The following IGFL2 variants were observed in gnomAD, a reference collection of about 807,000 sequenced individuals.
IGFL2 encodes the protein IGF like family member 2.
Under a neutral mutation model 13.9 loss-of-function variants are expected in IGFL2, and 7 were observed. The observed-to-expected ratio is 0.51, with a 90% confidence interval of 0.29 to 0.95. The LOEUF is 0.95. Ranked by LOEUF, IGFL2 falls within the 40% of genes least tolerant of loss-of-function variation. The pLI, the probability that IGFL2 is intolerant of heterozygous loss-of-function variation, is 0.08. For synonymous variants in IGFL2, 55 were observed against 55.8 expected (o/e 0.99, Z 0.07); for missense variants, 138 against 147.8 (o/e 0.93, Z 0.34).
At chr19:46,146,457 A>G (rs796667699), upstream of IGFL2, among the ~76,000 whole-genome samples, 1 of 152,138 alleles carries the variant, frequency 6.6e-6, no homozygotes, top group East Asian at 1.9e-4. Flanking sequence ...GCTTTTCTAT[A>G]TAAATTCTAG....
At chr19:46,199,807 G>T in the IGFL2 span, among the ~76,000 whole-genome samples, 5 of 152,234 alleles carry the variant, frequency 3.3e-5, no homozygotes, top group Non-Finnish European at 5.9e-5. Flanking sequence ...AGATGTGTTG[G>T]GACATCTAAG....
At chr19:46,125,288 T>C in the IGFL2 span, among the ~76,000 whole-genome samples, 1 of 152,188 alleles carries the variant, frequency 6.6e-6, no homozygotes, top group African/African-American at 2.4e-5. Flanking sequence ...GTGTGAGGAT[T>C]CAGAGACCTC....
At chr19:46,195,477 G>A in the IGFL2 span, among the ~76,000 whole-genome samples, 1 of 152,170 alleles carries the variant, frequency 6.6e-6, no homozygotes, top group African/African-American at 2.4e-5. Flanking sequence ...GCAACTTGCT[G>A]TAATGATGTG....
At chr19:46,176,671 G>A in the IGFL2 span, among the ~76,000 whole-genome samples, 4 of 152,148 alleles carry the variant, frequency 2.6e-5, no homozygotes, top group Non-Finnish European at 5.9e-5. Flanking sequence ...ACACATGTGG[G>A]TGCTGCTCCT....
At chr19:46,201,505 G>A in the IGFL2 span, among the ~76,000 whole-genome samples, 1 of 152,196 alleles carries the variant, frequency 6.6e-6, no homozygotes, top group Non-Finnish European at 1.5e-5. Flanking sequence ...GGCAACCACT[G>A]TGGGCTCCCA....
At chr19:46,137,673 C>G in the IGFL2 span, 3 of 591,270 alleles carry the variant, frequency 5.1e-6, no homozygotes, top group Non-Finnish European at 9.1e-6. Context: ...GCCAGTGTGG[C>G]CCAGCCTTGG....
the IGFL2 span, among the ~76,000 whole-genome samples, chr19:46,097,072 A>G: frequency 9.7e-4 from 148 of 152,350 alleles, no homozygotes; most frequent in African/African-American, 3.3e-3. Context: ...ATTGTTTGGA[A>G]TAGTTTCAGA....
At chr19:46,202,197 A>G in the IGFL2 span, among the ~76,000 whole-genome samples, 1 of 152,116 alleles carries the variant, frequency 6.6e-6, no homozygotes, top group East Asian at 1.9e-4. Flanking sequence ...ACTAGGGAGG[A>G]ACTGATGTGT....
intron 1 of IGFL2, among the ~76,000 whole-genome samples, chr19:46,150,944 G>A (rs563685277): frequency 6.6e-6 from 1 of 152,262 alleles, no homozygotes; most frequent in African/African-American, 2.4e-5. Context: ...GGGATTGCAG[G>A]TATGAGCCAT....
At chr19:46,175,912 G>A in the IGFL2 span, among the ~76,000 whole-genome samples, 10 of 147,832 alleles carry the variant, frequency 6.8e-5, no homozygotes, top group Admixed American at 2.0e-4. Context: ...GCACAATCTC[G>A]GCTCACTGCA....
At chr19:46,125,795 G>A in the IGFL2 span, among the ~76,000 whole-genome samples, 1 of 152,192 alleles carries the variant, frequency 6.6e-6, no homozygotes, top group Non-Finnish European at 1.5e-5. Flanking sequence ...AGTGAGCCCA[G>A]GCTGTCAGCT....
chr19:46,171,941 C>T, the IGFL2 span, among the ~76,000 whole-genome samples: 19 of 152,056 alleles, frequency 1.2e-4, no homozygotes, highest in South Asian at 2.7e-3. Flanking sequence ...GAATTTGAAG[C>T]TCTGAAGAAC....
the IGFL2 span, among the ~76,000 whole-genome samples, chr19:46,201,127 C>G: frequency 6.6e-6 from 1 of 152,234 alleles, no homozygotes; most frequent in African/African-American, 2.4e-5. Context: ...GCTGTCCCCT[C>G]TCCACAAGGG....
the IGFL2 span, among the ~76,000 whole-genome samples, chr19:46,080,573 A>C: frequency 1.3e-5 from 2 of 152,182 alleles, no homozygotes; most frequent in Non-Finnish European, 2.9e-5. Flanking sequence ...TATCTGTGTA[A>C]ATCATGAGTT....
At chr19:46,136,227 A>T in the IGFL2 span, among the ~76,000 whole-genome samples, 4 of 151,818 alleles carry the variant, frequency 2.6e-5, no homozygotes, top group Non-Finnish European at 4.4e-5. Flanking sequence ...GGATGCCAAT[A>T]TGTGGTAGGT....
the IGFL2 span, among the ~76,000 whole-genome samples, chr19:46,132,045 G>C: frequency 6.6e-6 from 1 of 152,174 alleles, no homozygotes; most frequent in African/African-American, 2.4e-5. Flanking sequence ...TAGTATTAAA[G>C]ATAAGAATAT....
the IGFL2 span, among the ~76,000 whole-genome samples, chr19:46,215,065 G>C: frequency 6.6e-6 from 1 of 152,116 alleles, no homozygotes; most frequent in Non-Finnish European, 1.5e-5. Context: ...CTTTTCTTCA[G>C]ATTTGCTCTT....
the IGFL2 span, among the ~76,000 whole-genome samples, chr19:46,089,952 G>A: frequency 6.6e-6 from 1 of 151,806 alleles, no homozygotes; most frequent in African/African-American, 2.4e-5. Context: ...TCTACCTCTT[G>A]GTCTCCCTCT....
upstream of IGFL2, among the ~76,000 whole-genome samples, chr19:46,139,330 C>T (rs1004692526): frequency 8.4e-5 from 7 of 83,502 alleles, no homozygotes; most frequent in Admixed American, 8.1e-4. Flanking sequence ...GCTCCTCTCC[C>T]CAATCAAAAC....
Sources: allele counts gnomAD v4.1 joint callset (sites outside exome capture counted in the v4.1 genomes callset), GRCh38; gene constraint gnomAD v4.1.1; transcripts MANE v1.5; gene names NCBI Gene and HGNC (gene_info 2026-07-23, HGNC 2026-07-21).